GDF1: variants seen among roughly 807,000 people sequenced by gnomAD.
GDF1 encodes growth differentiation factor 1, also known as embryonic growth/differentiation factor 1.
Under a neutral mutation model 7.4 loss-of-function variants are expected in GDF1, and 8 were observed. That is an observed-to-expected ratio of 1.09 (90% CI 0.64 to 1.96). The LOEUF (loss-of-function observed/expected upper bound fraction) is 1.96. GDF1 is among the 30% of genes most tolerant of loss of function. The probability of loss-of-function intolerance (pLI) is 0.00; values close to 1 mark genes in which losing one functional copy is unlikely to be tolerated. For synonymous variants in GDF1, 311 were observed against 276.7 expected (o/e 1.12, Z -1.23); for missense variants, 574 against 551.5 (o/e 1.04, Z -0.41).
At chr19:18,880,494 C>T in intron 3 of GDF1, 59 bp from the exon 4 acceptor site, 1 of 1,477,350 alleles carries the variant, frequency 6.8e-7, no homozygotes, top group Non-Finnish European at 9.1e-7. Context: ...CTCCACTCTG[C>T]ACTAAGGCCC....
intron 2 of GDF1, 114 bp downstream of exon 2, chr19:18,893,302 A>C: frequency 8.1e-7 from 1 of 1,239,316 alleles, no homozygotes; most frequent in South Asian, 1.5e-5. Flanking sequence ...TTGGCCTCCA[A>C]CTCCTGGGCT....
In GDF1 at chr19:18,878,693, C is replaced by T; in HGVS notation, c.-313+237G>A. On this transcript the variant is annotated intron_variant, in intron 6 of 7. Coordinates refer to ENST00000247005, the MANE Select transcript of GDF1 (RefSeq NM_001492.6). This position sits in a 1 kb window ranked among gnomAD's most constrained non-coding sequence, Gnocchi z 4.6. ...CAGTGTCCCTACCGCTGAGACCCTG[C>T]CTGTCGCCCTGCCTGCCCCTCCCCA... 7.4e-7 allele frequency: 1 copy of T among 1,356,480 alleles called. No individual in the cohort carries two copies. The highest frequency in any genetic ancestry group is 9.5e-7 in the Non-Finnish European group (1 of 1,049,964). 84.0% of individuals were successfully genotyped at this position (1,356,480 alleles called of 1,614,324 possible).
intron 4 of GDF1, 85 bp from the exon 5 acceptor site, chr19:18,879,473 CT>C: frequency 6.8e-7 from 1 of 1,471,406 alleles, no homozygotes. Context: ...TAGACCCACC[CT>C]TGCCCCCTTA....
At position 18,868,690 on chromosome 19, in the gene GDF1, C is replaced by T. The variant is rs1164234556; in HGVS notation, c.1026G>A (p.Leu342=). 2 of 1,562,640 alleles carry T rather than the reference C, an allele frequency of 1.3e-6. No individual in the cohort carries two copies. Among genetic ancestry groups the T allele is most frequent in the Non-Finnish European group, 1.7e-6 (2 of 1,153,402 alleles). The change falls in exon 8 of 8, where the codon CTG becomes CTA. Residue 342 remains leucine (L), a synonymous_variant. Transcript: ENST00000247005. Reference sequence around the variant, plus strand: ...CAAAGAAGAGCACGGAGATGGGCGACAGGCGCGCGGGCACGCAGCAGGGCA... The same window carrying T: ...CAAAGAAGAGCACGGAGATGGGCGATAGGCGCGCGGGCACGCAGCAGGGCA... ...ADLPCCVPAR[L]SPISVLFFDN...
At chr19:18,869,870 A>G in intron 7 of GDF1, 113 bp downstream of exon 7, 1 of 1,039,254 alleles carries the variant, frequency 9.6e-7, no homozygotes, top group South Asian at 1.4e-5. Flanking sequence ...AGTAGCCTGG[A>G]CAGGGCGGGT....
chr19:18,895,467 C>T lies in GDF1; in HGVS notation c.-1074+357G>A, dbSNP rs964328959. ...GGCCGGAGCCATCCACCGCGCGGGG[C>T]CCCCTGGTCCCAAACTGACCGGAAA... On this transcript the variant is annotated intron_variant, in intron 1 of 7. Transcript: ENST00000247005. The surrounding 1 kb of genome is among the most constrained non-coding windows in gnomAD (Gnocchi z 6.4). 6.6e-6 allele frequency among the ~76,000 whole-genome samples: 1 copy of T among 151,780 alleles called. No individual in the cohort carries two copies. Among genetic ancestry groups the T allele is most frequent in the African/African-American group, 2.4e-5 (1 of 41,312 alleles).
chr19:18,869,901 G>C (rs1332526655), intron 7 of GDF1, 82 bp downstream of exon 7: 4 of 1,382,324 alleles, frequency 2.9e-6, no homozygotes, highest in South Asian at 2.5e-5. Context: ...GGAGCTGCTC[G>C]GGCATCCCCG....
chr19:18,874,346 G>A (rs1311133118), intron 6 of GDF1, among the ~76,000 whole-genome samples: 1 of 152,096 alleles, frequency 6.6e-6, no homozygotes, highest in African/African-American at 2.4e-5. Flanking sequence ...CTCTGTTACC[G>A]CAGCTGGGGT....
At position 18,870,695 on chromosome 19, in the gene GDF1, G is replaced by A; in HGVS notation, c.-312-76C>T. 1 of 504,004 alleles carries A rather than the reference G, an allele frequency of 2.0e-6. No homozygotes were observed. Among genetic ancestry groups the A allele is most frequent in the Non-Finnish European group, 3.6e-6 (1 of 278,376 alleles). 31.2% of individuals were successfully genotyped at this position (504,004 alleles called of 1,614,324 possible). A position where few individuals can be genotyped will look rare whatever the true frequency, so the allele number is the denominator to read the frequency against. ...TGGCCCTCTTTCCCGCTTCTTCTCT[G>A]GCCGTTTCACACCCCCTGGCTCCTT... is the stretch of plus-strand genomic sequence containing the variant. On this transcript the variant is annotated intron_variant, in intron 6 of 7. Coordinates refer to ENST00000247005, the MANE Select transcript of GDF1 (RefSeq NM_001492.6). The surrounding 1 kb of genome is among the most constrained non-coding windows in gnomAD (Gnocchi z 5.1).
chr19:18,870,407 T>C lies in GDF1; in HGVS notation c.-100A>G. On this transcript the variant is annotated 5_prime_UTR_variant, in exon 7 of 8. Coordinates refer to ENST00000247005, the MANE Select transcript of GDF1 (RefSeq NM_001492.6). The surrounding 1 kb of genome is among the most constrained non-coding windows in gnomAD (Gnocchi z 5.1). ...GGTGTCCCCGGAGGGGCAGGGGTCC[T>C]GGGGGGCGTGGCCGGGAACTGGAGG... 9.2e-7 allele frequency: 1 copy of C among 1,084,376 alleles called. No homozygotes were observed. Among genetic ancestry groups the C allele is most frequent in the South Asian group, 1.7e-5 (1 of 57,204 alleles). The allele number at this position is 1,084,376 out of a possible 1,614,324, so 67.2% of individuals were successfully genotyped here. A position where few individuals can be genotyped will look rare whatever the true frequency, so the allele number is the denominator to read the frequency against.
At position 18,884,078 on chromosome 19, in the gene GDF1, T is replaced by A; in HGVS notation, c.-733+9A>T. On this transcript the variant is annotated intron_variant, in intron 3 of 7. Transcript: ENST00000247005. ...GCCTCGGCCCCCTGCCACCCGATCC[T>A]GTCCTTACCGGAAGGCGTAGGAGGA... The A allele has an allele frequency of 6.2e-7, 1 of 1,610,132 alleles. No individual in the cohort carries two copies. The highest frequency in any genetic ancestry group is 1.1e-5 in the South Asian group (1 of 90,698).
chr19:18,875,429 G>C lies in GDF1; in HGVS notation c.-313+3501C>G, dbSNP rs868708568. 2.1e-3 allele frequency among the ~76,000 whole-genome samples: 324 copies of C among 151,934 alleles called. 2 individuals are homozygous for C. Among genetic ancestry groups the C allele is most frequent in the African/African-American group, 7.4e-3 (307 of 41,396 alleles). ...CTGGTGACACACGCCTGTAGTCCCA[G>C]CTACTCAGGAGGCTGAGGCAGGAGA... On this transcript the variant is annotated intron_variant, in intron 6 of 7. Transcript: ENST00000247005.
At chr19:18,889,682 G>C (rs902952477) in intron 2 of GDF1, among the ~76,000 whole-genome samples, 1 of 151,984 alleles carries the variant, frequency 6.6e-6, no homozygotes, top group African/African-American at 2.4e-5. Flanking sequence ...CTCCCACCTT[G>C]GCCTCCCAAA....
At chr19:18,890,918 G>GT (rs2056475064) in intron 2 of GDF1, among the ~76,000 whole-genome samples, 1 of 152,008 alleles carries the variant, frequency 6.6e-6, no homozygotes, top group Admixed American at 6.6e-5. Context: ...GAGGTCAGGA[G>GT]TTTGAGACCA....
At chr19:18,882,616 G>A (rs868393196) in intron 3 of GDF1, among the ~76,000 whole-genome samples, 1 of 151,564 alleles carries the variant, frequency 6.6e-6, no homozygotes, top group Non-Finnish European at 1.5e-5. Context: ...CAGCCTGGGC[G>A]ACAGAGCGAG....
At chr19:18,884,296 GC>G in intron 2 of GDF1, 29 bp from the exon 3 acceptor site, 1 of 1,585,640 alleles carries the variant, frequency 6.3e-7, no homozygotes, top group Non-Finnish European at 8.6e-7. Context: ...CACAGTCAGG[GC>G]CCTGCGAAGC....
chr19:18,892,830 A>G (rs1013307268), intron 2 of GDF1, among the ~76,000 whole-genome samples: 1 of 152,104 alleles, frequency 6.6e-6, no homozygotes, highest in Non-Finnish European at 1.5e-5. Context: ...TCCTGTCCCC[A>G]GGGATCACCT....
intron 2 of GDF1, among the ~76,000 whole-genome samples, chr19:18,892,572 C>T (rs1484302560): frequency 6.6e-6 from 1 of 152,022 alleles, no homozygotes; most frequent in Non-Finnish European, 1.5e-5. Context: ...CGAGATCGCG[C>T]CACTGCACTC....
chr19:18,891,096 A>G (rs998920611), intron 2 of GDF1, among the ~76,000 whole-genome samples: 2 of 151,486 alleles, frequency 1.3e-5, no homozygotes, highest in African/African-American at 4.9e-5. Flanking sequence ...TGCACTCCAG[A>G]CTGGGTGACA....
Sources: gnomAD v4.1 joint callset for allele counts (sites outside exome capture counted in the v4.1 genomes callset) on GRCh38, gnomAD v4.1.1 for gene constraint, Gnocchi (gnomAD v3.1) non-coding constraint, MANE v1.5 for transcripts, NCBI Gene and HGNC (gene_info 2026-07-23, HGNC 2026-07-21) for gene names.